PANK2: variants seen among roughly 807,000 people sequenced by gnomAD.
The protein encoded by PANK2 is pantothenate kinase 2.
PANK2 carries 36 observed loss-of-function variants against 43.1 expected under a neutral mutation model. That is an observed-to-expected ratio of 0.84 (90% CI 0.64 to 1.10). The LOEUF is 1.10. Among genes scored for constraint, PANK2 ranks in the 50% least tolerant of loss-of-function variants. PANK2 has a pLI of 0.00. For missense variants in PANK2, 576 were observed against 593.3 expected, an observed-to-expected ratio of 0.97 and a Z score of 0.30; for synonymous variants, 281 against 238.2, an observed-to-expected ratio of 1.18 and a Z score of -1.66.
rs563988488 is a variant in PANK2 at position 3,912,729 on chromosome 20, A to G, written c.1082+95A>G. The G allele has an allele frequency of 1.5e-4, 207 of 1,366,674 alleles. 1 individual carries two copies. Among genetic ancestry groups the G allele is most frequent in the Non-Finnish European group, 6.1e-6 (6 of 979,260 alleles). The allele number at this position is 1,366,674 out of a possible 1,614,324, so 84.7% of individuals were successfully genotyped here. On this transcript the variant is annotated intron_variant, in intron 4 of 6. Coordinates refer to ENST00000610179, the MANE Select transcript of PANK2 (RefSeq NM_001386393.1). ...AACTTTGAGAGGCCGAGATGGGCAGATCATGAGGTCAGGAGTTTGAGACCA... is the reference window on the plus strand; with the variant it reads ...AACTTTGAGAGGCCGAGATGGGCAGGTCATGAGGTCAGGAGTTTGAGACCA...
Position 3,927,374 on chromosome 20 carries a change from A to C in PANK2, c.*4080A>C, listed in dbSNP as rs1262162950. 1 of 152,132 alleles carries C rather than the reference A, an allele frequency of 6.6e-6. No homozygotes were observed. Among genetic ancestry groups the C allele is most frequent in the Non-Finnish European group, 1.5e-5 (1 of 68,022 alleles). The allele number at this position is 152,132 out of a possible 1,614,324, so 9.4% of individuals were successfully genotyped here. A position where few individuals can be genotyped will look rare whatever the true frequency, so the allele number is the denominator to read the frequency against. On this transcript the variant is annotated 3_prime_UTR_variant, in exon 7 of 7. Transcript: ENST00000610179. ...TTACATGCATGTTTTATTTTTGAGGAGTGATTAGCAAAATGCATTAAAATT... is the reference window on the plus strand; with the variant it reads ...TTACATGCATGTTTTATTTTTGAGGCGTGATTAGCAAAATGCATTAAAATT...
upstream of PANK2, chr20:3,889,051 G>A (rs1173010919): frequency 6.9e-7 from 1 of 1,452,062 alleles, no homozygotes; most frequent in East Asian, 2.5e-5. Context: ...GAGTTCCGCG[G>A]CCCGGGGGGG....
chr20:3,907,128 G>C (rs1342061011), intron 1 of PANK2, among the ~76,000 whole-genome samples: 2 of 95,828 alleles, frequency 2.1e-5, no homozygotes, highest in Non-Finnish European at 3.9e-5. Flanking sequence ...TTTTGAGACA[G>C]AGCCTCACTC....
At chr20:3,893,833 G>T (rs968608397) in intron 1 of PANK2, among the ~76,000 whole-genome samples, 1 of 151,860 alleles carries the variant, frequency 6.6e-6, no homozygotes, top group Non-Finnish European at 1.5e-5. Context: ...GAATTAGGAC[G>T]GATTGACCCC....
chr20:3,889,535 G>C lies in PANK2; in HGVS notation c.105G>C (p.Ser35=), dbSNP rs1409125225. The C allele has an allele frequency of 1.4e-6, 2 of 1,421,996 alleles. No individual in the cohort carries two copies. Among genetic ancestry groups the C allele is most frequent in the Non-Finnish European group, 1.8e-6 (2 of 1,098,808 alleles). The allele number at this position is 1,421,996 out of a possible 1,614,324, so 88.1% of individuals were successfully genotyped here. Reference sequence around the variant, plus strand: ...GCAGGGCTTCCGCCACCTCCGTCTCGTCGGCTGGGGAGCAGGCGGCCGGGG... The same window carrying C: ...GCAGGGCTTCCGCCACCTCCGTCTCCTCGGCTGGGGAGCAGGCGGCCGGGG... Residue 35 remains serine, a synonymous_variant, in exon 1 of 7, where the codon TCG becomes TCC. Coordinates refer to ENST00000610179, the MANE Select transcript of PANK2 (RefSeq NM_001386393.1).
chr20:3,889,415 G>C lies in PANK2; in HGVS notation c.-16G>C. 3.2e-6 allele frequency: 5 copies of C among 1,571,364 alleles called. No individual in the cohort carries two copies. Among genetic ancestry groups the C allele is most frequent in the Non-Finnish European group, 4.3e-6 (5 of 1,161,958 alleles). ...CTGGCTGGACTGCCGCGGAGGAGGC[G>C]AGAAGGAATCCGACGCTGGGGGGCT... is the stretch of plus-strand genomic sequence containing the variant. On this transcript the variant is annotated 5_prime_UTR_variant, in exon 1 of 7. Coordinates refer to ENST00000610179, the MANE Select transcript of PANK2 (RefSeq NM_001386393.1).
upstream of PANK2, chr20:3,889,018 T>C (rs1037752336): frequency 2.8e-5 from 32 of 1,126,442 alleles, no homozygotes; most frequent in Non-Finnish European, 3.8e-5. Context: ...AGCAGCGGGG[T>C]GGGACTCGGG....
chr20:3,890,437 C>A (rs1415942547), intron 1 of PANK2, among the ~76,000 whole-genome samples: 1 of 152,180 alleles, frequency 6.6e-6, no homozygotes, highest in African/African-American at 2.4e-5. Context: ...CCAGAGAATC[C>A]GTTTCCCCAT....
chr20:3,914,069 G>A (rs182516981), intron 4 of PANK2, among the ~76,000 whole-genome samples: 24 of 152,050 alleles, frequency 1.6e-4, no homozygotes, highest in East Asian at 5.8e-4. Context: ...GATTACAGGC[G>A]TGAGCCACTG....
At chr20:3,911,776 A>G (rs960356873) in intron 3 of PANK2, among the ~76,000 whole-genome samples, 6 of 152,134 alleles carry the variant, frequency 3.9e-5, no homozygotes, top group African/African-American at 1.4e-4. Flanking sequence ...CTGTAATCCC[A>G]TATACTTGGG....
At chr20:3,911,055 A>C (rs2090461181) in intron 3 of PANK2, among the ~76,000 whole-genome samples, 2 of 152,334 alleles carry the variant, frequency 1.3e-5, no homozygotes, top group East Asian at 1.9e-4. Flanking sequence ...TCACATCAGC[A>C]GACTCATTGT....
At chr20:3,894,006 A>G (rs1471245304) in intron 1 of PANK2, among the ~76,000 whole-genome samples, 2 of 141,278 alleles carry the variant, frequency 1.4e-5, no homozygotes, top group African/African-American at 2.7e-5. Flanking sequence ...ATCTTGGCTC[A>G]CTGCAACCTC....
At position 3,928,833 on chromosome 20, in the gene PANK2, C is replaced by T. The variant is rs1387510862; in HGVS notation, c.*5539C>T. 7.2e-6 allele frequency: 1 copy of T among 139,294 alleles called. No homozygotes were observed. The highest frequency in any genetic ancestry group is 2.6e-5 in the African/African-American group (1 of 39,006). 8.6% of individuals were successfully genotyped at this position (139,294 alleles called of 1,614,324 possible). On this transcript the variant is annotated 3_prime_UTR_variant, in exon 7 of 7. Coordinates refer to ENST00000610179, the MANE Select transcript of PANK2 (RefSeq NM_001386393.1). ...GAAAACAAGGCATAAAGGGAAAATT[C>T]TGTAGGAAGCATTTTCTTTTCTTGT...
rs750766653 is a variant in PANK2, at chr20:3,889,448, G to A, written c.18G>A (p.Gly6=). The A allele has an allele frequency of 2.9e-5, 45 of 1,552,060 alleles. No homozygotes were observed. Among genetic ancestry groups the A allele is most frequent in the Admixed American group, 2.5e-4 (13 of 52,614 alleles). The change falls in exon 1 of 7, where the codon GGG becomes GGA. Residue 6 remains glycine, a synonymous_variant. Coordinates refer to ENST00000610179, the MANE Select transcript of PANK2 (RefSeq NM_001386393.1). The stretch of plus-strand genomic sequence containing the variant: ...ATCCGACGCTGGGGGGCTTGCTCGG[G>A]CGGCAGCGACTGCTGCTGCGGATGG...
In PANK2 at chr20:3,889,435, G is replaced by C; in HGVS notation, c.5G>C (p.Gly2Ala). 6.4e-7 allele frequency: 1 copy of C among 1,561,496 alleles called. No individual in the cohort carries two copies. The highest frequency in any genetic ancestry group is 8.6e-7 in the Non-Finnish European group (1 of 1,158,844). The change falls in exon 1 of 7, where the codon GGG becomes GCG. Residue 2 changes from glycine to alanine, a missense_variant. Coordinates refer to ENST00000610179, the MANE Select transcript of PANK2 (RefSeq NM_001386393.1). ...GAGGCGAGAAGGAATCCGACGCTGG[G>C]GGGCTTGCTCGGGCGGCAGCGACTG...
rs1568575238 is a variant in PANK2, at chr20:3,912,562, A to G, written c.1010A>G (p.Asp337Gly). Reference sequence around the variant, plus strand: ...TCTCGTGGAGATAGCACCAAAGTGGATAAACTAGTACGAGATATTTATGGA... The same window carrying G: ...TCTCGTGGAGATAGCACCAAAGTGGGTAAACTAGTACGAGATATTTATGGA... Residue 337 changes from aspartate (D) to glycine (G), a missense_variant, in exon 4 of 7, where the codon GAT becomes GGT. Asp to Gly is a moderately conservative substitution (Grantham distance 94). Around this residue, in one of 2 missense-constraint regions of PANK2, gnomAD observed 544 missense variants for 528.9 expected, o/e 1.03. Coordinates refer to ENST00000610179, the MANE Select transcript of PANK2 (RefSeq NM_001386393.1). The G allele has an allele frequency of 1.9e-6, 3 of 1,614,192 alleles. No homozygotes were observed. Among genetic ancestry groups the G allele is most frequent in the Admixed American group, 1.7e-5 (1 of 60,006 alleles).
intron 4 of PANK2, among the ~76,000 whole-genome samples, chr20:3,913,911 T>G (rs112693349): frequency 3.3e-5 from 5 of 150,560 alleles, no homozygotes; most frequent in Non-Finnish European, 3.0e-5. Flanking sequence ...GCTTCAGCCT[T>G]CCAAGTAGCT....
intron 4 of PANK2, 147 bp downstream of exon 4, chr20:3,912,781 C>G (rs972513869): frequency 2.3e-6 from 2 of 855,366 alleles, no homozygotes; most frequent in Non-Finnish European, 1.8e-6. Flanking sequence ...GTAACCCTGT[C>G]TCTACTAAAA....
intron 1 of PANK2, among the ~76,000 whole-genome samples, chr20:3,892,548 G>T (rs115017522): frequency 0.06 from 9,094 of 151,508 alleles, 363 homozygotes; most frequent in East Asian, 0.15. Context: ...GTGGTGACGC[G>T]TGCCCGTAGT....
Sources: gnomAD v4.1 joint callset for allele counts (sites outside exome capture counted in the v4.1 genomes callset) on GRCh38, gnomAD v4.1.1 for gene constraint, gnomAD v4.1.1 regional missense constraint, MANE v1.5 for transcripts, NCBI Gene and HGNC (gene_info 2026-07-23, HGNC 2026-07-21) for gene names.